Variants in VWA3B observed in about 807,000 individuals in gnomAD.
VWA3B encodes von Willebrand factor A domain-containing protein 3B.
A neutral mutation model predicts 158.3 loss-of-function variants in VWA3B; 138 were observed. The ratio of observed to expected loss-of-function variants is 0.87; its 90% CI spans 0.76 to 1.00. The LOEUF (loss-of-function observed/expected upper bound fraction) is 1.00, where lower values mean the gene tolerates loss of function less well. VWA3B is among the 50% of genes least tolerant of loss of function. The pLI, the probability that VWA3B is intolerant of heterozygous loss-of-function variation, is 0.00. For synonymous variants in VWA3B, 596 were observed against 587.3 expected, an observed-to-expected ratio of 1.01 and a Z score of -0.21; for missense variants, 1,555 against 1,565.1, an observed-to-expected ratio of 0.99 and a Z score of 0.11.
At chr2:98,303,030 G>A (rs2105994944) in intron 25 of VWA3B, among the ~76,000 whole-genome samples, 1 of 152,300 alleles carries the variant, frequency 6.6e-6, no homozygotes. Context: ...ACATCTGGAA[G>A]GGCAGAGCAT....
chr2:98,262,683 T>G (rs2105850506), intron 21 of VWA3B, among the ~76,000 whole-genome samples: 1 of 151,940 alleles, frequency 6.6e-6, no homozygotes, highest in Non-Finnish European at 1.5e-5. Context: ...GTTTTGATTA[T>G]TGTAGCTTTG....
At chr2:98,263,104 T>G (rs1687586770) in intron 21 of VWA3B, among the ~76,000 whole-genome samples, 2 of 151,872 alleles carry the variant, frequency 1.3e-5, no homozygotes, top group Non-Finnish European at 2.9e-5. Context: ...AAATGCAACT[T>G]ATTTTGTGTA....
chr2:98,321,339 G>GC, the VWA3B span, among the ~76,000 whole-genome samples: 1 of 152,184 alleles, frequency 6.6e-6, no homozygotes, highest in Non-Finnish European at 1.5e-5. Context: ...CCCTACTGAG[G>GC]CATTGCCTAG....
chr2:98,218,888 G>A (rs1282361782), intron 14 of VWA3B, among the ~76,000 whole-genome samples: 1 of 152,202 alleles, frequency 6.6e-6, no homozygotes, highest in Non-Finnish European at 1.5e-5. Flanking sequence ...CACTAGTGAG[G>A]ATTGGAAACT....
chr2:98,274,276 G>C (rs925402844), intron 22 of VWA3B, among the ~76,000 whole-genome samples: 2 of 152,362 alleles, frequency 1.3e-5, no homozygotes, highest in Admixed American at 1.3e-4. Flanking sequence ...CTTATTTGTA[G>C]CTGTGTCCAT....
At chr2:98,194,582 G>A in intron 12 of VWA3B, 90 bp downstream of exon 12, 2 of 1,476,802 alleles carry the variant, frequency 1.4e-6, no homozygotes, top group Admixed American at 2.0e-5. Flanking sequence ...CCTGAGAGGT[G>A]TTTTGCACTC....
chr2:98,192,951 A>G lies in VWA3B; in HGVS notation c.1520A>G (p.Asp507Gly), dbSNP rs540613664. 3.1e-6 allele frequency: 5 copies of G among 1,614,170 alleles called. No individual in the cohort carries two copies. In the African/African-American group the frequency reaches 6.7e-5, roughly 22 times the overall value. Reference protein sequence around the residue: ...SQSLFGRLHNDCIYILIDTSH... With the variant: ...SQSLFGRLHNGCIYILIDTSH... ...AGCCTCTTTGGAAGATTGCATAATG[A>G]TTGCATCTACATTCTCATTGACACG... Residue 507 changes from aspartate (D) to glycine (G), a missense_variant, in exon 11 of 28, where the codon GAT (aspartate) becomes GGT (glycine). Transcript: ENST00000477737.
At chr2:98,126,079 G>A (rs1209528820) in intron 5 of VWA3B, among the ~76,000 whole-genome samples, 2 of 152,220 alleles carry the variant, frequency 1.3e-5, no homozygotes, top group Non-Finnish European at 2.9e-5. Context: ...CAGGAAATCT[G>A]TAGCGTAACA....
intron 13 of VWA3B, among the ~76,000 whole-genome samples, chr2:98,217,534 A>T (rs1402152301): frequency 6.6e-6 from 1 of 152,194 alleles, no homozygotes. Context: ...CTTTAAATGC[A>T]TGGACTGTAA....
intron 1 of VWA3B, among the ~76,000 whole-genome samples, chr2:98,088,397 C>T: frequency 6.6e-6 from 1 of 152,190 alleles, no homozygotes; most frequent in Non-Finnish European, 1.5e-5. Flanking sequence ...AAGACTGTCG[C>T]CCAGGGCAGC....
intron 19 of VWA3B, among the ~76,000 whole-genome samples, chr2:98,249,864 T>C (rs1686684445): frequency 6.6e-6 from 1 of 152,110 alleles, no homozygotes; most frequent in Non-Finnish European, 1.5e-5. Context: ...ATGGTAACTA[T>C]AATCAAATAT....
chr2:98,134,892 G>C (rs1397675141), intron 7 of VWA3B, among the ~76,000 whole-genome samples: 1 of 151,808 alleles, frequency 6.6e-6, no homozygotes, highest in Non-Finnish European at 1.5e-5. Context: ...ACACTTTGTA[G>C]ATTCAGATTC....
At chr2:98,287,127 G>C (rs942629885) in intron 22 of VWA3B, among the ~76,000 whole-genome samples, 1 of 152,066 alleles carries the variant, frequency 6.6e-6, no homozygotes, top group Admixed American at 6.5e-5. Context: ...GAAAATTTTT[G>C]TATTCTTTCT....
At chr2:98,134,490 G>A (rs751368964) in intron 7 of VWA3B, among the ~76,000 whole-genome samples, 2 of 152,164 alleles carry the variant, frequency 1.3e-5, no homozygotes, top group Non-Finnish European at 2.9e-5. Flanking sequence ...GCGGGAAATA[G>A]GCTGTGATTC....
chr2:98,230,748 G>A (rs956306082), intron 16 of VWA3B, among the ~76,000 whole-genome samples: 1 of 152,136 alleles, frequency 6.6e-6, no homozygotes, highest in African/African-American at 2.4e-5. Flanking sequence ...TGGGGGAAAG[G>A]ATGCCTACTC....
At chr2:98,115,465 A>G (rs1002694986) in intron 2 of VWA3B, among the ~76,000 whole-genome samples, 187 bp from the exon 3 acceptor site, 2 of 152,256 alleles carry the variant, frequency 1.3e-5, no homozygotes, top group African/African-American at 4.8e-5. Flanking sequence ...TTACAATGCC[A>G]TAGACAGTTA....
intron 19 of VWA3B, among the ~76,000 whole-genome samples, chr2:98,242,047 A>C (rs902766578): frequency 1.3e-5 from 2 of 152,182 alleles, no homozygotes; most frequent in African/African-American, 4.8e-5. Flanking sequence ...AGCAGACAAA[A>C]AGTAGAATGG....
intron 11 of VWA3B, among the ~76,000 whole-genome samples, 190 bp from the exon 12 acceptor site, chr2:98,194,171 C>T (rs1681834242): frequency 6.6e-6 from 1 of 151,904 alleles, no homozygotes; most frequent in African/African-American, 2.4e-5. Context: ...AAGGTCTTAA[C>T]ACACAAACTG....
intron 6 of VWA3B, among the ~76,000 whole-genome samples, chr2:98,130,883 G>T (rs1480781125): frequency 1.3e-5 from 2 of 152,208 alleles, no homozygotes; most frequent in Non-Finnish European, 2.9e-5. Flanking sequence ...ATCAAGTCGG[G>T]ATTTAGGATG....
Sources: allele counts gnomAD v4.1 joint callset (sites outside exome capture counted in the v4.1 genomes callset), GRCh38; gene constraint gnomAD v4.1.1; transcripts MANE v1.5; gene names NCBI Gene and HGNC (gene_info 2026-07-23, HGNC 2026-07-21).